The following FOXP1 variants were observed in gnomAD, a reference collection of about 807,000 sequenced individuals.
FOXP1 encodes forkhead box P1.
In FOXP1, 15 loss-of-function variants were observed where a neutral mutation model predicts 98.2. The ratio of observed to expected loss-of-function variants is 0.15; its 90% CI spans 0.10 to 0.24. The LOEUF (loss-of-function observed/expected upper bound fraction) is 0.24, where lower values mean the gene tolerates loss of function less well. FOXP1 is among the 10% of genes least tolerant of loss of function. FOXP1 has a pLI of 1.00. For synonymous variants in FOXP1, 371 were observed against 314.5 expected, an observed-to-expected ratio of 1.18 and a Z score of -1.90; for missense variants, 633 against 848.5, an observed-to-expected ratio of 0.75 and a Z score of 3.15.
chr3:71,324,745 C>G (rs1426327946), intron 4 of FOXP1, among the ~76,000 whole-genome samples: 1 of 151,998 alleles, frequency 6.6e-6, no homozygotes, highest in African/African-American at 2.4e-5. Context: ...TACACATGTA[C>G]ACTAGAACTT....
At chr3:71,368,915 C>T (rs1339920526) in intron 3 of FOXP1, among the ~76,000 whole-genome samples, 1 of 152,174 alleles carries the variant, frequency 6.6e-6, no homozygotes, top group Non-Finnish European at 1.5e-5. Flanking sequence ...TGTAAAGCTA[C>T]CAAAATCTCT....
intron 2 of FOXP1, among the ~76,000 whole-genome samples, chr3:71,498,104 A>T (rs2107136548): frequency 6.6e-6 from 1 of 152,302 alleles, no homozygotes; most frequent in Non-Finnish European, 1.5e-5. Flanking sequence ...GGCTACTCCA[A>T]ATGCCACAGT....
Position 71,130,406 on chromosome 3 carries a change from T to G in FOXP1, c.181-17769A>C, listed in dbSNP as rs971719757. 19 of 1,278,522 alleles carry G rather than the reference T, an allele frequency of 1.5e-5. No individual in the cohort carries two copies. The African/African-American group carries it at 2.6e-4, about 18-fold the overall frequency. The allele number at this position is 1,278,522 out of a possible 1,614,324, so 79.2% of individuals were successfully genotyped here. On this transcript the variant is annotated intron_variant, in intron 6 of 20. Transcript: ENST00000649528. ...CAGTAAACAAGTTGGATCACCTTATTTCGCCCTTCAGAGAATGTCTGCACA... is the reference window on the plus strand; with the variant it reads ...CAGTAAACAAGTTGGATCACCTTATGTCGCCCTTCAGAGAATGTCTGCACA...
At chr3:71,352,885 T>C (rs2077892414) in intron 4 of FOXP1, among the ~76,000 whole-genome samples, 1 of 152,202 alleles carries the variant, frequency 6.6e-6, no homozygotes, top group Non-Finnish European at 1.5e-5. Context: ...TCTAGGTACA[T>C]ACATACAGAT....
rs373278226 is a variant in FOXP1, at chr3:71,310,226, C to G, written c.-72-10346G>C. Among the ~76,000 whole-genome samples, 4 of 152,342 alleles carry G rather than the reference C, an allele frequency of 2.6e-5. No homozygotes were observed. The East Asian group carries it at 5.8e-4, about 22-fold the overall frequency. Reference sequence around the variant, plus strand: ...TCTACAGTTTATAAAAAATCTTCCACATGCAGGCAGGCTGAAGCATTTTAT... The same window carrying G: ...TCTACAGTTTATAAAAAATCTTCCAGATGCAGGCAGGCTGAAGCATTTTAT... On this transcript the variant is annotated intron_variant, in intron 4 of 20. Coordinates refer to ENST00000649528, the MANE Select transcript of FOXP1 (RefSeq NM_001349338.3).
chr3:70,980,767 G>A (rs902915289), intron 14 of FOXP1, among the ~76,000 whole-genome samples: 4 of 152,162 alleles, frequency 2.6e-5, no homozygotes, highest in Non-Finnish European at 4.4e-5. Flanking sequence ...GACAAAAACA[G>A]GAAGAAAACA....
chr3:71,336,909 A>G (rs2076720583), intron 4 of FOXP1, among the ~76,000 whole-genome samples: 1 of 152,190 alleles, frequency 6.6e-6, no homozygotes, highest in South Asian at 2.1e-4. Context: ...TGAGGATGCA[A>G]TCAGCAACTT....
intron 5 of FOXP1, among the ~76,000 whole-genome samples, chr3:71,251,935 T>G (rs2068223923): frequency 6.6e-6 from 1 of 152,098 alleles, no homozygotes; most frequent in African/African-American, 2.4e-5. Flanking sequence ...CTTTCTCTTC[T>G]CCCTCCCTTT....
chr3:71,319,884 T>C (rs1164088876), intron 4 of FOXP1, among the ~76,000 whole-genome samples: 2 of 152,148 alleles, frequency 1.3e-5, no homozygotes, highest in Admixed American at 1.3e-4. Context: ...ACCACACGCC[T>C]AGCCAATGGG....
intron 2 of FOXP1, among the ~76,000 whole-genome samples, chr3:71,506,442 C>T (rs905659065): frequency 6.6e-6 from 1 of 152,202 alleles, no homozygotes; most frequent in Non-Finnish European, 1.5e-5. Flanking sequence ...ACGCTCCCTA[C>T]ACTGGCTCCC....
At chr3:71,212,312 G>C (rs1430329565) in intron 5 of FOXP1, among the ~76,000 whole-genome samples, 1 of 152,150 alleles carries the variant, frequency 6.6e-6, no homozygotes, top group African/African-American at 2.4e-5. Context: ...AGACTTAAGA[G>C]ACCCTCATGA....
At chr3:71,518,123 T>G (rs1020597754) in intron 2 of FOXP1, among the ~76,000 whole-genome samples, 8 of 150,488 alleles carry the variant, frequency 5.3e-5, no homozygotes, top group African/African-American at 7.4e-5. Flanking sequence ...TTTGACAGTG[T>G]TTTTTTTTGT....
chr3:71,216,018 A>G (rs1333201021), intron 5 of FOXP1, among the ~76,000 whole-genome samples: 1 of 152,240 alleles, frequency 6.6e-6, no homozygotes, highest in Non-Finnish European at 1.5e-5. Flanking sequence ...CCTGCACCTT[A>G]TACTGTGGAT....
intron 4 of FOXP1, among the ~76,000 whole-genome samples, chr3:71,310,683 C>T (rs575306024): frequency 3.9e-5 from 6 of 152,344 alleles, no homozygotes; most frequent in African/African-American, 1.2e-4. Flanking sequence ...CTCTTCTGGG[C>T]GTTTCTGCCC....
At chr3:71,539,755 T>G (rs988686638) in intron 2 of FOXP1, among the ~76,000 whole-genome samples, 6 of 152,266 alleles carry the variant, frequency 3.9e-5, no homozygotes, top group African/African-American at 1.4e-4. Flanking sequence ...TTGAAATCTT[T>G]TTTATTAGCA....
intron 3 of FOXP1, among the ~76,000 whole-genome samples, chr3:71,426,918 G>A (rs956902620): frequency 3.3e-5 from 5 of 151,950 alleles, no homozygotes; most frequent in East Asian, 1.9e-4. Context: ...AAAATTAGCC[G>A]GGCATGGTGG....
rs5849989 is a variant in FOXP1, at chr3:71,115,737, C to CTT, written c.181-3102_181-3101dup. On this transcript the variant is annotated intron_variant, in intron 6 of 20. Coordinates refer to ENST00000649528, the MANE Select transcript of FOXP1 (RefSeq NM_001349338.3). ...ATTCACACATACACACAAAACTATT[C>CTT]TTTTTTTTTTTTTTTTTTGGACAAA... 1.2e-3 allele frequency among the ~76,000 whole-genome samples: 135 copies of CTT among 116,078 alleles called. 1 individual carries two copies. The highest frequency in any genetic ancestry group is 6.8e-3 in the East Asian group (29 of 4,244). 76.2% of individuals were successfully genotyped at this position (116,078 alleles called of 152,430 possible).
At chr3:71,407,550 T>C (rs2082436038) in intron 3 of FOXP1, among the ~76,000 whole-genome samples, 1 of 152,166 alleles carries the variant, frequency 6.6e-6, no homozygotes, top group Non-Finnish European at 1.5e-5. Context: ...GGCCTGAGGA[T>C]TGTAAATGAC....
At chr3:71,120,537 A>T (rs1459487643) in intron 6 of FOXP1, among the ~76,000 whole-genome samples, 1 of 152,254 alleles carries the variant, frequency 6.6e-6, no homozygotes, top group Non-Finnish European at 1.5e-5. Context: ...GAAAAATCAG[A>T]GCAGAGATAA....
Sources: gnomAD v4.1 joint callset for allele counts (sites outside exome capture counted in the v4.1 genomes callset) on GRCh38, gnomAD v4.1.1 for gene constraint, MANE v1.5 for transcripts, NCBI Gene and HGNC (gene_info 2026-07-23, HGNC 2026-07-21) for gene names.